CCDC152: variants seen among roughly 807,000 people sequenced by gnomAD.
The protein encoded by CCDC152 is coiled-coil domain-containing protein 152.
CCDC152 carries 37 observed loss-of-function variants against 38.1 expected under a neutral mutation model. The observed-to-expected ratio is 0.97, with a 90% CI of 0.75 to 1.28. CCDC152 has a LOEUF of 1.28. Ranked by LOEUF, CCDC152 falls within the 50% of genes most tolerant of loss-of-function variation. The pLI is 0.00. For missense variants in CCDC152, 259 were observed against 292.1 expected (o/e 0.89, Z 0.83); for synonymous variants, 83 against 87.1 (o/e 0.95, Z 0.26).
chr5:42,761,073 G>A (rs1759546371), intron 2 of CCDC152, among the ~76,000 whole-genome samples: 1 of 152,176 alleles, frequency 6.6e-6, no homozygotes, highest in Non-Finnish European at 1.5e-5. Context: ...CAATTCAAAA[G>A]TGGTGAGACT....
intron 6 of CCDC152, among the ~76,000 whole-genome samples, chr5:42,787,691 T>A (rs772111330): frequency 1.1e-4 from 16 of 152,184 alleles, no homozygotes; most frequent in Non-Finnish European, 1.8e-4. Context: ...TTGAAGCCTT[T>A]ATCATTATAT....
chr5:42,765,055 A>G (rs1276163744), intron 3 of CCDC152, among the ~76,000 whole-genome samples: 1 of 152,230 alleles, frequency 6.6e-6, no homozygotes, highest in Non-Finnish European at 1.5e-5. Flanking sequence ...CTATTAGAAT[A>G]AACAACTTCA....
At chr5:42,781,909 C>A (rs1052930347) in intron 5 of CCDC152, among the ~76,000 whole-genome samples, 4 of 152,046 alleles carry the variant, frequency 2.6e-5, no homozygotes, top group African/African-American at 9.7e-5. Context: ...ACATTTTAGG[C>A]CTCTGAATAA....
intron 8 of CCDC152, 64 bp from the exon 9 acceptor site, chr5:42,799,595 T>G: frequency 1.5e-6 from 2 of 1,318,486 alleles, no homozygotes; most frequent in Non-Finnish European, 2.1e-6. Flanking sequence ...TCTTTGTTAT[T>G]TTGTTGTTCC....
chr5:42,801,522 G>C lies in CCDC152; in HGVS notation c.*1741G>C. On this transcript the variant is annotated 3_prime_UTR_variant, in exon 9 of 9. Transcript: ENST00000361970. ...AGACATTTTATTAAAGGCTTAAAAA[G>C]AAAGCCAAACCACTGTACTTATATT... 1 of 529,770 alleles carries C rather than the reference G, an allele frequency of 1.9e-6. No individual in the cohort carries two copies. The allele number at this position is 529,770 out of a possible 1,614,324, so 32.8% of individuals were successfully genotyped here.
At chr5:42,792,499 C>T (rs1369165533) in intron 6 of CCDC152, among the ~76,000 whole-genome samples, 4 of 152,166 alleles carry the variant, frequency 2.6e-5, no homozygotes, top group East Asian at 1.9e-4. Context: ...TTAATGATAA[C>T]TAATGTCTTG....
chr5:42,763,479 A>C (rs1223695527), intron 3 of CCDC152, among the ~76,000 whole-genome samples: 1 of 141,674 alleles, frequency 7.1e-6, no homozygotes, highest in Admixed American at 7.1e-5. Flanking sequence ...TAGTGAAGAC[A>C]CAGTATGGAA....
In CCDC152 at chr5:42,761,664, A is replaced by G. The variant is rs373088203; in HGVS notation, c.88-779A>G. Among the ~76,000 whole-genome samples the G allele has an allele frequency of 1.6e-3, 251 of 152,304 alleles. 1 individual carries two copies. The highest frequency in any genetic ancestry group is 5.7e-3 in the African/African-American group (236 of 41,574). ...GTAGATCTATGTGGGTTTACATGACATCATCTCCCAGATAATAGTACTAAG... is the reference window on the plus strand; with the variant it reads ...GTAGATCTATGTGGGTTTACATGACGTCATCTCCCAGATAATAGTACTAAG... On this transcript the variant is annotated intron_variant, in intron 2 of 8. Coordinates refer to ENST00000361970, the MANE Select transcript of CCDC152 (RefSeq NM_001134848.2).
rs138134640 is a variant in CCDC152 at position 42,771,745 on chromosome 5, A to G, written c.262+2080A>G. 4.2e-3 allele frequency among the ~76,000 whole-genome samples: 635 copies of G among 152,328 alleles called. 8 individuals carry two copies. The highest frequency in any genetic ancestry group is 0.013 in the African/African-American group (556 of 41,576). On this transcript the variant is annotated intron_variant, in intron 4 of 8. Transcript: ENST00000361970. ...AAATAGTCGGAACACACCAATGACA[A>G]ATAAGGAGATTGAGTAAATAATCAA...
intron 6 of CCDC152, among the ~76,000 whole-genome samples, chr5:42,791,994 G>A (rs1760009317): frequency 6.6e-6 from 1 of 152,194 alleles, no homozygotes; most frequent in Non-Finnish European, 1.5e-5. Flanking sequence ...AGCCAAAAGA[G>A]GAGATCGAGG....
intron 3 of CCDC152, among the ~76,000 whole-genome samples, chr5:42,765,690 G>T (rs946263390): frequency 1.3e-5 from 2 of 152,118 alleles, no homozygotes; most frequent in African/African-American, 4.8e-5. Flanking sequence ...AACTGGTGCT[G>T]GGAAAACTGG....
At chr5:42,786,547 AGT>A in intron 6 of CCDC152, among the ~76,000 whole-genome samples, 1 of 152,092 alleles carries the variant, frequency 6.6e-6, no homozygotes, top group East Asian at 1.9e-4. Context: ...TAATCTAGCA[AGT>A]GATCTATCAC....
chr5:42,792,906 G>A (rs1436957552), intron 6 of CCDC152, among the ~76,000 whole-genome samples: 2 of 152,158 alleles, frequency 1.3e-5, no homozygotes, highest in Non-Finnish European at 2.9e-5. Context: ...CATTGTCATG[G>A]CGCCACATAA....
At chr5:42,764,144 G>T (rs1759594102) in intron 3 of CCDC152, among the ~76,000 whole-genome samples, 2 of 152,118 alleles carry the variant, frequency 1.3e-5, no homozygotes, top group African/African-American at 4.8e-5. Flanking sequence ...AGGCATGGTG[G>T]CTCACACCTG....
intron 3 of CCDC152, 136 bp downstream of exon 3, chr5:42,762,684 A>G (rs1759567615): frequency 1.6e-6 from 1 of 620,852 alleles, no homozygotes; most frequent in African/African-American, 1.9e-5. Context: ...TCTCATTTAT[A>G]TCCTTACTAT....
chr5:42,794,050 GTAA>G (rs750944958), intron 6 of CCDC152, among the ~76,000 whole-genome samples: 1 of 152,214 alleles, frequency 6.6e-6, no homozygotes, highest in Non-Finnish European at 1.5e-5. Context: ...GATAGAATTA[GTAA>G]GCTGGAGAAC....
intron 6 of CCDC152, among the ~76,000 whole-genome samples, chr5:42,796,031 A>G (rs1760070971): frequency 6.6e-6 from 1 of 151,134 alleles, no homozygotes; most frequent in South Asian, 2.1e-4. Context: ...ATAGGTGGGA[A>G]TTGAACAATG....
intron 5 of CCDC152, among the ~76,000 whole-genome samples, chr5:42,779,946 G>T (rs1759821281): frequency 6.6e-6 from 1 of 151,992 alleles, no homozygotes. Flanking sequence ...AATACAGGGG[G>T]CATTTCATGT....
chr5:42,789,357 T>C lies in CCDC152; in HGVS notation c.430+5781T>C, dbSNP rs113110772. On this transcript the variant is annotated intron_variant, in intron 6 of 8. Transcript: ENST00000361970. ...CATGTCCATTCACAAGTAACTTTGA[T>C]CTCTTTGAGAAGAACTAGCATCCAA... Among the ~76,000 whole-genome samples, 1,183 of 152,240 alleles carry C rather than the reference T, an allele frequency of 7.8e-3. 17 individuals carry two copies. Among genetic ancestry groups the C allele is most frequent in the African/African-American group, 0.026 (1,073 of 41,528 alleles).
Sources: allele counts gnomAD v4.1 joint callset (sites outside exome capture counted in the v4.1 genomes callset), GRCh38; gene constraint gnomAD v4.1.1; transcripts MANE v1.5; gene names NCBI Gene and HGNC (gene_info 2026-07-23, HGNC 2026-07-21).